The following PRKAR1B variants were observed in gnomAD, a reference collection of about 807,000 sequenced individuals.
PRKAR1B encodes the protein cAMP-dependent protein kinase type I-beta regulatory subunit.
Under a neutral mutation model 46.5 loss-of-function variants are expected in PRKAR1B, and 22 were observed. The ratio of observed to expected loss-of-function variants is 0.47; its 90% CI spans 0.34 to 0.68. The LOEUF (loss-of-function observed/expected upper bound fraction) is 0.68, where lower values mean the gene tolerates loss of function less well. PRKAR1B is among the 30% of genes least tolerant of loss of function. The probability of loss-of-function intolerance (pLI) is 0.01; values close to 1 mark genes in which losing one functional copy is unlikely to be tolerated. For synonymous variants in PRKAR1B, 259 were observed against 217.7 expected (o/e 1.19, Z -1.67); for missense variants, 445 against 535.6 (o/e 0.83, Z 1.67).
In PRKAR1B at chr7:599,751, AGAG is replaced by A. The variant is rs546144153; in HGVS notation, c.550-3450_550-3448del. ...TGTGTTTAGAAGTCAATGGTGGGAC[AGAG>A]GTGCCAGGAGCTGGGGGAGGCACAT... On this transcript the variant is annotated intron_variant, in intron 6 of 10. Coordinates refer to ENST00000537384, the MANE Select transcript of PRKAR1B (RefSeq NM_001164760.2). 2.9e-3 allele frequency among the ~76,000 whole-genome samples: 438 copies of A among 152,030 alleles called. 3 individuals carry two copies. Among genetic ancestry groups the A allele is most frequent in the African/African-American group, 0.01 (416 of 41,378 alleles).
At chr7:648,899 C>A (rs369548378) in intron 4 of PRKAR1B, among the ~76,000 whole-genome samples, 130 of 152,298 alleles carry the variant, frequency 8.5e-4, no homozygotes, top group South Asian at 5.0e-3. Flanking sequence ...CACGGTGGCT[C>A]ACACCTGTAA....
At position 550,197 on chromosome 7, in the gene PRKAR1B, C is replaced by T; in HGVS notation, c.*233G>A. 1.8e-6 allele frequency: 1 copy of T among 540,546 alleles called. No homozygotes were observed. The highest frequency in any genetic ancestry group is 2.1e-5 in the South Asian group (1 of 48,772). The allele number at this position is 540,546 out of a possible 1,614,324, so 33.5% of individuals were successfully genotyped here. A position where few individuals can be genotyped will look rare whatever the true frequency, so the allele number is the denominator to read the frequency against. ...GGAGGCGTGTGGGGAGGAAGCTGGCCTGTCCCTTCCTTGATCTTGGGATGC... is the reference window on the plus strand; with the variant it reads ...GGAGGCGTGTGGGGAGGAAGCTGGCTTGTCCCTTCCTTGATCTTGGGATGC... On this transcript the variant is annotated 3_prime_UTR_variant, in exon 11 of 11. Coordinates refer to ENST00000537384, the MANE Select transcript of PRKAR1B (RefSeq NM_001164760.2).
intron 7 of PRKAR1B, among the ~76,000 whole-genome samples, chr7:584,875 G>T (rs934531686): frequency 6.6e-6 from 1 of 152,140 alleles, no homozygotes; most frequent in Admixed American, 6.5e-5. Flanking sequence ...CGCACAGCCA[G>T]CCAGAGCCTG....
At chr7:596,124 C>T (rs772765890) in intron 7 of PRKAR1B, 22 bp downstream of exon 7, 16 of 1,602,928 alleles carry the variant, frequency 1.0e-5, no homozygotes, top group Non-Finnish European at 1.4e-5. Flanking sequence ...TTGGCCTTCT[C>T]TGTGCTTGGG....
chr7:597,416 G>C (rs537209926), intron 6 of PRKAR1B, among the ~76,000 whole-genome samples: 2 of 152,342 alleles, frequency 1.3e-5, no homozygotes, highest in Non-Finnish European at 2.9e-5. Context: ...GGCAGACTCT[G>C]CCTGGCGGGG....
At chr7:584,227 G>A (rs936837950) in intron 8 of PRKAR1B, among the ~76,000 whole-genome samples, 4 of 152,236 alleles carry the variant, frequency 2.6e-5, no homozygotes, top group Non-Finnish European at 5.9e-5. Flanking sequence ...ACAGCAAAGG[G>A]AGAAGCAGAC....
chr7:623,292 C>G (rs1783208518), intron 4 of PRKAR1B, among the ~76,000 whole-genome samples: 1 of 152,216 alleles, frequency 6.6e-6, no homozygotes, highest in African/African-American at 2.4e-5. Flanking sequence ...CCCTGGGACC[C>G]TCGGCCACAC....
chr7:665,498 C>G (rs1033525696), intron 4 of PRKAR1B, among the ~76,000 whole-genome samples: 4 of 152,218 alleles, frequency 2.6e-5, no homozygotes, highest in Non-Finnish European at 5.9e-5. Flanking sequence ...GCTTCAGCCT[C>G]CGTTGAATTC....
chr7:554,738 A>G (rs887552799), intron 9 of PRKAR1B, among the ~76,000 whole-genome samples: 4 of 151,232 alleles, frequency 2.6e-5, no homozygotes, highest in African/African-American at 9.7e-5. Flanking sequence ...AAGACAGGGG[A>G]GGCCACGGAT....
At chr7:649,979 ATT>A (rs762320346) in intron 4 of PRKAR1B, among the ~76,000 whole-genome samples, 9,989 of 135,098 alleles carry the variant, frequency 0.074, 415 homozygotes, top group South Asian at 0.21. Context: ...GGCCCAGCTA[ATT>A]TTTTTTTTTT....
chr7:690,034 C>T (rs868712430), intron 2 of PRKAR1B, among the ~76,000 whole-genome samples: 6 of 150,030 alleles, frequency 4.0e-5, no homozygotes, highest in Middle Eastern at 6.8e-3. Flanking sequence ...GGTGGGCTCA[C>T]GTCTGTAATC....
At chr7:572,676 C>T (rs893209300) in intron 9 of PRKAR1B, among the ~76,000 whole-genome samples, 11 of 152,212 alleles carry the variant, frequency 7.2e-5, no homozygotes, top group African/African-American at 2.7e-4. Flanking sequence ...GCTGCCATTG[C>T]AGACTGGGCC....
intron 4 of PRKAR1B, among the ~76,000 whole-genome samples, chr7:631,352 G>C (rs1783726597): frequency 6.6e-6 from 1 of 152,208 alleles, no homozygotes; most frequent in Non-Finnish European, 1.5e-5. Context: ...TCATGCCATA[G>C]ACCTTACAGA....
chr7:660,812 C>G (rs1474275171), intron 4 of PRKAR1B, among the ~76,000 whole-genome samples: 7 of 95,640 alleles, frequency 7.3e-5, no homozygotes, highest in East Asian at 4.0e-4. Context: ...TACCTACTCT[C>G]CCCCCCATGG....
At chr7:610,308 T>A (rs1194820490) in intron 4 of PRKAR1B, among the ~76,000 whole-genome samples, 5 of 152,300 alleles carry the variant, frequency 3.3e-5, no homozygotes, top group African/African-American at 1.2e-4. Context: ...AGGGGGCTGT[T>A]CAGTCCTTGG....
At chr7:709,371 C>CTTT (rs71016898) in intron 2 of PRKAR1B, among the ~76,000 whole-genome samples, 2 of 95,636 alleles carry the variant, frequency 2.1e-5, no homozygotes, top group African/African-American at 4.0e-5. Flanking sequence ...GTATGTATTT[C>CTTT]TTTTTTTTTT....
At chr7:651,582 A>G (rs1285216302) in intron 4 of PRKAR1B, among the ~76,000 whole-genome samples, 2 of 148,806 alleles carry the variant, frequency 1.3e-5, no homozygotes, top group African/African-American at 2.5e-5. Flanking sequence ...GTTCACACCC[A>G]CACAGTGCTA....
chr7:611,580 C>T (rs141584150), intron 4 of PRKAR1B, among the ~76,000 whole-genome samples: 6 of 152,242 alleles, frequency 3.9e-5, no homozygotes, highest in African/African-American at 7.2e-5. Context: ...TCTCACTCCA[C>T]GGATGGCTTC....
chr7:605,834 C>T (rs1341874169), intron 6 of PRKAR1B, among the ~76,000 whole-genome samples: 1 of 152,146 alleles, frequency 6.6e-6, no homozygotes, highest in Non-Finnish European at 1.5e-5. Context: ...GTTAACATCC[C>T]ATGTGGTGGG....
Sources: allele counts gnomAD v4.1 joint callset (sites outside exome capture counted in the v4.1 genomes callset), GRCh38; gene constraint gnomAD v4.1.1; transcripts MANE v1.5; gene names NCBI Gene and HGNC (gene_info 2026-07-23, HGNC 2026-07-21).